BTBD8: variants seen among roughly 807,000 people sequenced by gnomAD.
BTBD8 encodes BTB domain containing 8, also known as BTB/POZ domain-containing protein 8.
BTBD8 carries 110 observed loss-of-function variants against 162.9 expected under a neutral mutation model. The ratio of observed to expected loss-of-function variants is 0.68; its 90% CI spans 0.58 to 0.79. The LOEUF is 0.79. Ranked by LOEUF, BTBD8 falls within the 30% of genes least tolerant of loss-of-function variation. The pLI is 0.00. For synonymous variants in BTBD8, 667 were observed against 716.1 expected (o/e 0.93, Z 1.10); for missense variants, 1,905 against 2,085.4 (o/e 0.91, Z 1.68).
intron 4 of BTBD8, among the ~76,000 whole-genome samples, chr1:92,120,951 CAG>C (rs1262074137): frequency 6.6e-6 from 1 of 152,062 alleles, no homozygotes; most frequent in Non-Finnish European, 1.5e-5. Context: ...TTAGTAGAGA[CAG>C]GGTTTTGCCA....
chr1:92,171,414 G>A lies in BTBD8; in HGVS notation c.1589G>A (p.Gly530Asp). 2.0e-6 allele frequency: 3 copies of A among 1,538,362 alleles called. No individual in the cohort carries two copies. The highest frequency in any genetic ancestry group is 2.5e-5 in the South Asian group (2 of 81,242). Residue 530 changes from glycine (G) to aspartate (D), a missense_variant, in exon 13 of 18, where the codon GGT becomes GAT. Transcript: ENST00000636805. ...QKIQAAAFDK[G>D]DDRRLGKKPI... ...CTTTCTACAGCTGCATTTGACAAAG[G>A]TGATGATCGAAGACTTGGCAAAAAG...
Position 92,134,254 on chromosome 1 carries a change from T to A in BTBD8, c.752+4478T>A, listed in dbSNP as rs145942555. 1.8e-3 allele frequency among the ~76,000 whole-genome samples: 267 copies of A among 152,294 alleles called. 3 individuals are homozygous for A. Among genetic ancestry groups the A allele is most frequent in the African/African-American group, 5.9e-3 (244 of 41,562 alleles). On this transcript the variant is annotated intron_variant, in intron 5 of 17. Coordinates refer to ENST00000636805, the MANE Select transcript of BTBD8 (RefSeq NM_001376131.1). ...CCTGGGATTGCCCTGGCCTTCAATA[T>A]AAGTTTTGAAATATAAATGAGATGT...
At chr1:92,183,188 C>T (rs775043540) in intron 17 of BTBD8, among the ~76,000 whole-genome samples, 4 of 152,060 alleles carry the variant, frequency 2.6e-5, no homozygotes, top group Non-Finnish European at 5.9e-5. Flanking sequence ...AGGCTTATTT[C>T]ATATTGTTTA....
At chr1:92,087,014 C>T (rs1648180114) in intron 1 of BTBD8, among the ~76,000 whole-genome samples, 1 of 152,198 alleles carries the variant, frequency 6.6e-6, no homozygotes, top group Admixed American at 6.5e-5. Flanking sequence ...TGAGACTTCT[C>T]CAGTCTGTCC....
intron 4 of BTBD8, among the ~76,000 whole-genome samples, chr1:92,108,565 A>G: frequency 6.6e-6 from 1 of 152,234 alleles, no homozygotes; most frequent in East Asian, 1.9e-4. Context: ...CTGCTTCAGA[A>G]TTGGGTTGCT....
chr1:92,163,986 T>A (rs1650327496), intron 9 of BTBD8, among the ~76,000 whole-genome samples: 1 of 152,216 alleles, frequency 6.6e-6, no homozygotes, highest in Non-Finnish European at 1.5e-5. Flanking sequence ...CAAATTTATT[T>A]AAATACCTTA....
chr1:92,163,055 G>A (rs1370250821), intron 9 of BTBD8, among the ~76,000 whole-genome samples: 1 of 151,970 alleles, frequency 6.6e-6, no homozygotes, highest in Non-Finnish European at 1.5e-5. Context: ...TGTGCTAAGT[G>A]TAAAAGGCAA....
chr1:92,120,138 C>T (rs1352019866), intron 4 of BTBD8, among the ~76,000 whole-genome samples: 1 of 151,976 alleles, frequency 6.6e-6, no homozygotes, highest in Non-Finnish European at 1.5e-5. Flanking sequence ...GTGATCCACC[C>T]GCCTCGGCCT....
rs193144364 is a variant in BTBD8, at chr1:92,128,654, A to G, written c.663-1033A>G. On this transcript the variant is annotated intron_variant, in intron 4 of 17. Transcript: ENST00000636805. ...AGGCTGGTCTTGAACTCCCGACCTC[A>G]GGTGATCCACCCGCCTCGGCCTCCC... Among the ~76,000 whole-genome samples, 569 of 151,680 alleles carry G rather than the reference A, an allele frequency of 3.8e-3. 4 individuals are homozygous for G. Among genetic ancestry groups the G allele is most frequent in the African/African-American group, 0.013 (537 of 41,330 alleles).
At position 92,139,409 on chromosome 1, in the gene BTBD8, T is replaced by G; in HGVS notation, c.812T>G (p.Ile271Ser). ...TTTATATATGGAGGAACTCTGGACA[T>G]TCCAGACAAAACTAATGTTGGGTAT... is the stretch of plus-strand genomic sequence containing the variant. ...MHFIYGGTLD[I>S]PDKTNVGQIL... The change falls in exon 6 of 18, where the codon ATT becomes AGT. Residue 271 changes from isoleucine to serine, a missense_variant. Ile to Ser is a moderately radical substitution (Grantham distance 142, BLOSUM62 -2). Transcript: ENST00000636805. 7 of 1,603,852 alleles carry G rather than the reference T, an allele frequency of 4.4e-6. No individual in the cohort carries two copies. The highest frequency in any genetic ancestry group is 5.9e-6 in the Non-Finnish European group (7 of 1,177,310).
chr1:92,142,440 G>A (rs6690811), intron 7 of BTBD8, among the ~76,000 whole-genome samples: 2,690 of 152,310 alleles, frequency 0.018, 76 homozygotes, highest in African/African-American at 0.062. Flanking sequence ...AAGAGAAAGT[G>A]ATAAGAAATT....
At chr1:92,080,873 A>G (rs963446337) in intron 1 of BTBD8, among the ~76,000 whole-genome samples, 153 bp downstream of exon 1, 1 of 152,106 alleles carries the variant, frequency 6.6e-6, no homozygotes, top group Admixed American at 6.5e-5. Context: ...TCTCCCCACT[A>G]TTCCGAAAAG....
rs150205181 is a variant in BTBD8 at position 92,141,373 on chromosome 1, G to A, written c.930+162G>A. 1.8e-3 allele frequency among the ~76,000 whole-genome samples: 268 copies of A among 152,232 alleles called. 3 individuals are homozygous for A. The highest frequency in any genetic ancestry group is 5.9e-3 in the African/African-American group (244 of 41,536). On this transcript the variant is annotated intron_variant, in intron 7 of 17. Transcript: ENST00000636805. ...GAGAAATAATTCATATGATCTGCTT[G>A]TAAAAATCAGAAACTAATTCAAATA...
chr1:92,092,715 T>C (rs138314172), intron 2 of BTBD8, among the ~76,000 whole-genome samples: 14 of 152,330 alleles, frequency 9.2e-5, no homozygotes, highest in Non-Finnish European at 1.8e-4. Flanking sequence ...GTGCCACTTA[T>C]CTGTTTTGAC....
At chr1:92,085,523 T>TA (rs1648134473) in intron 1 of BTBD8, among the ~76,000 whole-genome samples, 1 of 151,978 alleles carries the variant, frequency 6.6e-6, no homozygotes, top group Non-Finnish European at 1.5e-5. Context: ...ACCTAGGAGG[T>TA]AGAGGTGCAC....
At position 92,180,637 on chromosome 1, in the gene BTBD8, A is replaced by G. The variant is rs11166332; in HGVS notation, c.2954A>G (p.Gln985Arg). The G allele has an allele frequency of 8.8e-5, 137 of 1,551,326 alleles. No homozygotes were observed. Among genetic ancestry groups the G allele is most frequent in the African/African-American group, 8.6e-4 (63 of 73,142 alleles). ...DNNNKDSVSE[Q>R]KPHKPLINLA... ...AACAACAAGGACAGTGTTTCTGAACAGAAGCCTCACAAACCTCTCATTAAT... is the reference window on the plus strand; with the variant it reads ...AACAACAAGGACAGTGTTTCTGAACGGAAGCCTCACAAACCTCTCATTAAT... The change falls in exon 17 of 18, where the codon CAG becomes CGG. Residue 985 changes from glutamine (Q) to arginine (R), a missense_variant. Around this residue, in one of 3 missense-constraint regions of BTBD8, gnomAD observed 1,374 missense variants for 1,442.7 expected, o/e 0.95. Transcript: ENST00000636805.
chr1:92,103,691 G>A (rs768614241), intron 3 of BTBD8, among the ~76,000 whole-genome samples: 17 of 152,176 alleles, frequency 1.1e-4, no homozygotes, highest in Non-Finnish European at 2.1e-4. Context: ...TCTTTGGAAG[G>A]TAAATCTTTG....
chr1:92,180,488 A>G lies in BTBD8; in HGVS notation c.2805A>G (p.Lys935=). 1.3e-6 allele frequency: 2 copies of G among 1,550,526 alleles called. No individual in the cohort carries two copies. The highest frequency in any genetic ancestry group is 1.7e-6 in the Non-Finnish European group (2 of 1,146,646). Residue 935 remains lysine (K), a synonymous_variant, in exon 17 of 18, where the codon AAA becomes AAG. Transcript: ENST00000636805. ...QSKKGETLNN[K]DSKQKMPPGQ... ...AGAAAGGTGAAACTTTGAATAATAA[A>G]GATTCAAAACAGAAAATGCCTCCTG...
chr1:92,120,573 A>G (rs1649183216), intron 4 of BTBD8, among the ~76,000 whole-genome samples: 1 of 152,224 alleles, frequency 6.6e-6, no homozygotes, highest in Admixed American at 6.5e-5. Flanking sequence ...CTAGACTTTT[A>G]TACAGCTGGC....
Sources: allele counts gnomAD v4.1 joint callset (sites outside exome capture counted in the v4.1 genomes callset), GRCh38; gene constraint gnomAD v4.1.1; regional missense constraint gnomAD v4.1.1; transcripts MANE v1.5; gene names NCBI Gene and HGNC (gene_info 2026-07-23, HGNC 2026-07-21).